Variants in AMPD3 observed in about 807,000 individuals in gnomAD.
AMPD3 encodes the protein adenosine monophosphate deaminase 3.
Under a neutral mutation model 82.3 loss-of-function variants are expected in AMPD3, and 57 were observed. The observed-to-expected ratio is 0.69, with a 90% CI of 0.56 to 0.86. The LOEUF is 0.86. Among genes scored for constraint, AMPD3 ranks in the 40% least tolerant of loss-of-function variants. The pLI is 0.00. For missense variants in AMPD3, 870 were observed against 1,003.8 expected (o/e 0.87, Z 1.80); for synonymous variants, 381 against 394.7 (o/e 0.97, Z 0.41).
chr11:10,452,708 T>C (rs1847991108), upstream of AMPD3, among the ~76,000 whole-genome samples: 2 of 152,234 alleles, frequency 1.3e-5, no homozygotes, highest in Non-Finnish European at 2.9e-5. Context: ...TCTGATATCA[T>C]AATGATGATG....
At chr11:10,478,038 T>C (rs1848790759) in intron 2 of AMPD3, 1 of 985,286 alleles carries the variant, frequency 1.0e-6, no homozygotes, top group Non-Finnish European at 1.2e-6. Flanking sequence ...TGTCTAACTG[T>C]GTGAAATGCA....
At chr11:10,476,465 G>GT (rs34375327) in intron 2 of AMPD3, among the ~76,000 whole-genome samples, 50,156 of 145,388 alleles carry the variant, frequency 0.34, 9,052 homozygotes, top group East Asian at 0.65. Context: ...GGGCTGTAGT[G>GT]TTTTTTTTTT....
At position 10,456,081 on chromosome 11, in the gene AMPD3, G is replaced by A. The variant is rs1848084862; in HGVS notation, c.-6+633G>A. 1.8e-6 allele frequency: 2 copies of A among 1,135,318 alleles called. No homozygotes were observed. The highest frequency in any genetic ancestry group is 2.2e-6 in the Non-Finnish European group (2 of 923,932). The allele number at this position is 1,135,318 out of a possible 1,614,324, so 70.3% of individuals were successfully genotyped here. A position where few individuals can be genotyped will look rare whatever the true frequency, so the allele number is the denominator to read the frequency against. The stretch of plus-strand genomic sequence containing the variant: ...AGTTTCCTCTTGTGAGGGCTGTGAA[G>A]AGGGCCAGGACACTGCATTCAGGAT... On this transcript the variant is annotated intron_variant, in intron 1 of 14. Coordinates refer to ENST00000396553, the MANE Select transcript of AMPD3 (RefSeq NM_001025389.2). The surrounding 1 kb of genome is among the most constrained non-coding windows in gnomAD (Gnocchi z 4.3).
intron 6 of AMPD3, among the ~76,000 whole-genome samples, 189 bp downstream of exon 6, chr11:10,487,553 G>T (rs564375918): frequency 6.6e-6 from 1 of 152,214 alleles, no homozygotes; most frequent in South Asian, 2.1e-4. Flanking sequence ...TTTGTGTCAG[G>T]CTGGGCCTCA....
Position 10,501,448 on chromosome 11 carries a change from T to C in AMPD3, c.1722-22T>C, listed in dbSNP as rs770877977. 1.9e-6 allele frequency: 3 copies of C among 1,611,658 alleles called. No homozygotes were observed. In the African/African-American group the frequency reaches 4.0e-5, roughly 22 times the overall value. On this transcript the variant is annotated intron_variant, in intron 11 of 14. Transcript: ENST00000396553. ...GCCAACTGGGGGGGGCCTTCCTGATTCGGAAACCCCTTCTCTTACAGGGAG... is the reference window on the plus strand; with the variant it reads ...GCCAACTGGGGGGGGCCTTCCTGATCCGGAAACCCCTTCTCTTACAGGGAG...
In AMPD3 at chr11:10,456,667, C is replaced by G; in HGVS notation, c.-6+1219C>G. 4 of 957,382 alleles carry G rather than the reference C, an allele frequency of 4.2e-6. No homozygotes were observed. Among genetic ancestry groups the G allele is most frequent in the Non-Finnish European group, 5.0e-6 (4 of 804,458 alleles). The allele number at this position is 957,382 out of a possible 1,614,324, so 59.3% of individuals were successfully genotyped here. A position where few individuals can be genotyped will look rare whatever the true frequency, so the allele number is the denominator to read the frequency against. The stretch of plus-strand genomic sequence containing the variant: ...TGCTGGTGAATTCACAGCTAAGCCT[C>G]CCAAGCCTGCTGGCTTCAGCTGACA... On this transcript the variant is annotated intron_variant, in intron 1 of 14. Transcript: ENST00000396553. The surrounding 1 kb of genome is among the most constrained non-coding windows in gnomAD (Gnocchi z 4.3).
At chr11:10,500,042 C>A in intron 10 of AMPD3, 44 bp from the exon 11 acceptor site, 2 of 1,613,224 alleles carry the variant, frequency 1.2e-6, no homozygotes, top group Non-Finnish European at 1.7e-6. Flanking sequence ...GAGGCTGAGT[C>A]CTGGTCCTGC....
chr11:10,459,798 G>C (rs991854862), intron 1 of AMPD3, among the ~76,000 whole-genome samples: 2 of 151,908 alleles, frequency 1.3e-5, no homozygotes, highest in Non-Finnish European at 1.5e-5. Flanking sequence ...TGGGTGAGGG[G>C]ACAGAGGCAG....
chr11:10,504,632 C>T lies in AMPD3; in HGVS notation c.2100C>T (p.Ser700=), dbSNP rs375685508. Residue 700 remains serine, a synonymous_variant, in exon 14 of 15, where the codon AGC becomes AGT. Coordinates refer to ENST00000396553, the MANE Select transcript of AMPD3 (RefSeq NM_001025389.2). ...TCDLCEIARN[S]VLQSGLSHQE... is the part of the protein sequence containing the mutation. The stretch of plus-strand genomic sequence containing the variant: ...ACCTGTGTGAGATCGCCAGGAACAG[C>T]GTGCTGCAGAGCGGCCTCTCGCATC... 1.9e-5 allele frequency: 30 copies of T among 1,614,044 alleles called. No homozygotes were observed. The highest frequency in any genetic ancestry group is 7.7e-5 in the South Asian group (7 of 91,090).
At chr11:10,469,091 G>A (rs1274614041) in intron 2 of AMPD3, among the ~76,000 whole-genome samples, 2 of 152,114 alleles carry the variant, frequency 1.3e-5, no homozygotes, top group African/African-American at 4.8e-5. Context: ...AGCTAGAGAA[G>A]CAAGAGCAAA....
In AMPD3 at chr11:10,487,237, A is replaced by T; in HGVS notation, c.812A>T (p.Lys271Ile). 1 of 1,614,160 alleles carries T rather than the reference A, an allele frequency of 6.2e-7. No homozygotes were observed. The highest frequency in any genetic ancestry group is 8.5e-7 in the Non-Finnish European group (1 of 1,179,996). The change falls in exon 6 of 15, where the codon AAA becomes ATA. Residue 271 changes from lysine (K) to isoleucine (I), a missense_variant and splice_region_variant. Transcript: ENST00000396553. ...ILALITDGPT[K>I]TYCHRRLNFL... ...CTCTCCCCATCTCCAACTTGCAGGA[A>T]AACCTATTGTCACCGGCGACTGAAC...
chr11:10,487,385 C>A, intron 6 of AMPD3, 21 bp downstream of exon 6: 1 of 1,613,666 alleles, frequency 6.2e-7, no homozygotes, highest in South Asian at 1.1e-5. Flanking sequence ...GGCGAGTGTT[C>A]ACAGCTGCCT....
intron 6 of AMPD3, chr11:10,488,265 G>C (rs1398503193): frequency 1.0e-6 from 1 of 985,344 alleles, no homozygotes; most frequent in Non-Finnish European, 1.2e-6. Flanking sequence ...GTGAGGCACA[G>C]GGTCAGTGCT....
chr11:10,499,817 T>C (rs1186151363), intron 10 of AMPD3: 1 of 985,308 alleles, frequency 1.0e-6, no homozygotes, highest in Non-Finnish European at 1.2e-6. Flanking sequence ...TTTCCTCCAC[T>C]GTCACCACCA....
intron 6 of AMPD3, chr11:10,490,575 C>T (rs931409569): frequency 1.0e-6 from 1 of 985,158 alleles, no homozygotes; most frequent in African/African-American, 1.7e-5. Context: ...CACTGACCTC[C>T]AATGACCTTC....
intron 6 of AMPD3, among the ~76,000 whole-genome samples, chr11:10,488,886 G>C (rs748419543): frequency 6.6e-6 from 1 of 152,144 alleles, no homozygotes; most frequent in South Asian, 2.1e-4. Flanking sequence ...CAGCCTCCCT[G>C]ACCCCCTGGC....
chr11:10,467,000 C>T (rs190824637), intron 2 of AMPD3, among the ~76,000 whole-genome samples: 45 of 152,288 alleles, frequency 3.0e-4, no homozygotes, highest in Non-Finnish European at 6.0e-4. Context: ...TCAGAGACCA[C>T]ATCCGAAAAT....
chr11:10,482,200 TG>T lies in AMPD3; in HGVS notation c.565del (p.Ala189HisfsTer70). 6.2e-7 allele frequency: 1 copy of T among 1,612,838 alleles called. No homozygotes were observed. Among genetic ancestry groups the T allele is most frequent in the Non-Finnish European group, 8.5e-7 (1 of 1,179,682 alleles). On this transcript the variant is annotated frameshift_variant, in exon 4 of 15. Transcript: ENST00000396553. LOFTEE classifies it high-confidence loss of function. Reference protein sequence around the residue: ...QYLGHPRADTAPPEEGLPDFH... With the variant: ...QYLGHPRADTXPPEEGLPDFH... ...ACCTGGGTCATCCGCGGGCGGATAC[TG>T]CACCTCCGGAAGAGGGCCTTCCAGG...
At chr11:10,494,391 C>T (rs1210860335) in intron 7 of AMPD3, 1 of 233,302 alleles carries the variant, frequency 4.3e-6, no homozygotes, top group African/African-American at 2.3e-5. Flanking sequence ...TAAAAAAGTT[C>T]TGGAAATGGT....
Sources: gnomAD v4.1 joint callset for allele counts (sites outside exome capture counted in the v4.1 genomes callset) on GRCh38, gnomAD v4.1.1 for gene constraint, Gnocchi (gnomAD v3.1) non-coding constraint, MANE v1.5 for transcripts, NCBI Gene and HGNC (gene_info 2026-07-23, HGNC 2026-07-21) for gene names.